The following RYR2 variants were observed in gnomAD, a reference collection of about 807,000 sequenced individuals.
RYR2 encodes the protein cardiac muscle ryanodine receptor-calcium release channel.
RYR2 carries 227 observed loss-of-function variants against 601.1 expected under a neutral mutation model. That is an observed-to-expected ratio of 0.38 (90% confidence interval 0.34 to 0.42). The LOEUF (loss-of-function observed/expected upper bound fraction) is 0.42, where lower values mean the gene tolerates loss of function less well. Ranked by LOEUF, RYR2 falls within the 10% of genes least tolerant of loss-of-function variation. The pLI is 1.00. For missense variants in RYR2, 4,646 were observed against 6,156.5 expected, an observed-to-expected ratio of 0.75 and a Z score of 8.21; for synonymous variants, 2,223 against 2,175.1, an observed-to-expected ratio of 1.02 and a Z score of -0.61.
chr1:237,796,277 G>A (rs2149398172), intron 96 of RYR2, among the ~76,000 whole-genome samples: 1 of 152,150 alleles, frequency 6.6e-6, no homozygotes, highest in Middle Eastern at 3.4e-3. Context: ...TAAAGCAAGA[G>A]TTTCTTGCTT....
chr1:237,304,082 C>T (rs1208110179), intron 2 of RYR2, among the ~76,000 whole-genome samples: 2 of 152,132 alleles, frequency 1.3e-5, no homozygotes, highest in African/African-American at 4.8e-5. Flanking sequence ...ATGGGCCCAG[C>T]TTTGCAATAG....
chr1:237,411,622 G>A (rs992210594), intron 10 of RYR2, among the ~76,000 whole-genome samples: 1 of 152,086 alleles, frequency 6.6e-6, no homozygotes, highest in African/African-American at 2.4e-5. Flanking sequence ...TTTCCAAGTG[G>A]TCTACGTGGG....
intron 1 of RYR2, among the ~76,000 whole-genome samples, chr1:237,181,450 A>T (rs1279174617): frequency 6.6e-6 from 1 of 152,304 alleles, no homozygotes; most frequent in Non-Finnish European, 1.5e-5. Flanking sequence ...GGAGCTCAAG[A>T]GAGGCTCTTT....
intron 25 of RYR2, 42 bp downstream of exon 25, chr1:237,530,552 G>GATT: frequency 7.2e-7 from 1 of 1,392,496 alleles, no homozygotes; most frequent in Non-Finnish European, 1.0e-6. Flanking sequence ...TCTGTGTAGA[G>GATT]ATTTAGTGCA....
chr1:237,058,417 G>A (rs948537929), intron 1 of RYR2, among the ~76,000 whole-genome samples: 5 of 151,832 alleles, frequency 3.3e-5, no homozygotes, highest in African/African-American at 1.2e-4. Flanking sequence ...CATATAATTT[G>A]TTGCTTGCAA....
intron 15 of RYR2, 139 bp downstream of exon 15, chr1:237,454,713 A>G: frequency 1.4e-6 from 1 of 707,712 alleles, no homozygotes; most frequent in South Asian, 1.9e-5. Context: ...GAACAGGAGA[A>G]ACAGGCCTTA....
rs1198252199 is a variant in RYR2, at chr1:237,119,436, G to GTGTGTGCGTA, written c.48+76870_48+76879dup. Among the ~76,000 whole-genome samples the GTGTGTGCGTA allele has an allele frequency of 4.6e-5, 7 of 152,340 alleles. No individual in the cohort carries two copies. The South Asian group carries it at 8.3e-4, about 18-fold the overall frequency. On this transcript the variant is annotated intron_variant, in intron 1 of 104. Coordinates refer to ENST00000366574, the MANE Select transcript of RYR2 (RefSeq NM_001035.3). ...TGTGTGTGTGTGCATGTGTGTGCGT[G>GTGTGTGCGTA]TGTGTGCGTATGCTCTCATCTTGGT...
intron 10 of RYR2, among the ~76,000 whole-genome samples, chr1:237,394,169 T>C (rs1318963877): frequency 2.6e-5 from 4 of 152,170 alleles, no homozygotes; most frequent in Non-Finnish European, 5.9e-5. Flanking sequence ...AAGAGAAGCA[T>C]CTTCTTTTGT....
chr1:237,558,176 A>G (rs938852934), intron 27 of RYR2, among the ~76,000 whole-genome samples: 4 of 152,158 alleles, frequency 2.6e-5, no homozygotes, highest in Non-Finnish European at 4.4e-5. Flanking sequence ...TATTCCCCTA[A>G]GGTTAGTAGG....
At position 237,502,610 on chromosome 1, in the gene RYR2, G is replaced by A. The variant is rs571715980; in HGVS notation, c.2397-679G>A. ...ACAGACACAGTTCACAATAGGGTTC[G>A]CACTCCTATGAAAATCTAAGGCCAC... is the stretch of plus-strand genomic sequence containing the variant. On this transcript the variant is annotated intron_variant, in intron 21 of 104. Coordinates refer to ENST00000366574, the MANE Select transcript of RYR2 (RefSeq NM_001035.3). Among the ~76,000 whole-genome samples, 96 of 152,182 alleles carry A rather than the reference G, an allele frequency of 6.3e-4. 1 individual carries two copies. The highest frequency in any genetic ancestry group is 2.0e-3 in the African/African-American group (84 of 41,530).
chr1:237,147,432 A>T (rs184794525), intron 1 of RYR2, among the ~76,000 whole-genome samples: 2 of 152,288 alleles, frequency 1.3e-5, no homozygotes, highest in East Asian at 1.9e-4. Flanking sequence ...CACACAAATT[A>T]TCTGTTGCTT....
intron 25 of RYR2, among the ~76,000 whole-genome samples, chr1:237,531,414 T>G (rs907433870): frequency 2.6e-5 from 4 of 152,332 alleles, no homozygotes; most frequent in African/African-American, 9.6e-5. Flanking sequence ...AGCTGTTTCA[T>G]ATTACTTTCT....
At position 237,589,914 on chromosome 1, in the gene RYR2, C is replaced by T. The variant is rs750335699; in HGVS notation, c.3720C>T (p.Ala1240=). The T allele has an allele frequency of 1.2e-4, 198 of 1,613,708 alleles. No individual in the cohort carries two copies. The highest frequency in any genetic ancestry group is 8.1e-5 in the Non-Finnish European group (95 of 1,179,856). Residue 1240 remains alanine, a synonymous_variant, in exon 30 of 105, where the codon GCC becomes GCT. Transcript: ENST00000366574. ...CGLQEGYEPF[A]VNTNRDITMW... ...TACAAGAGGGCTATGAACCATTTGC[C>T]GTTAATACAAACAGGGATATTACCA...
chr1:237,122,543 G>A (rs1468580947), intron 1 of RYR2, among the ~76,000 whole-genome samples: 4 of 152,160 alleles, frequency 2.6e-5, no homozygotes, highest in African/African-American at 4.8e-5. Context: ...TCAGCCAGGC[G>A]TGGTGGCCTA....
chr1:237,684,770 C>CATAT (rs796412616), intron 62 of RYR2, among the ~76,000 whole-genome samples: 5,806 of 35,876 alleles, frequency 0.16, 150 homozygotes, highest in East Asian at 0.25. Flanking sequence ...ATTATCTGAA[C>CATAT]ACATATATAT....
At chr1:237,239,968 CCT>C (rs1230763800) in intron 1 of RYR2, among the ~76,000 whole-genome samples, 1 of 152,076 alleles carries the variant, frequency 6.6e-6, no homozygotes, top group Admixed American at 6.6e-5. Context: ...AATATCTTTC[CCT>C]CTCTCTCTTT....
chr1:237,708,067 C>G (rs559724604), intron 68 of RYR2, among the ~76,000 whole-genome samples: 117 of 151,866 alleles, frequency 7.7e-4, no homozygotes, highest in African/African-American at 2.8e-3. Flanking sequence ...CAGGTGTGAG[C>G]CACCACGTCT....
At chr1:237,493,218 GT>G in intron 19 of RYR2, 131 bp downstream of exon 19, 2 of 1,006,840 alleles carry the variant, frequency 2.0e-6, no homozygotes, top group South Asian at 3.3e-5. Context: ...TATTTTTGCA[GT>G]GAATAATATG....
At chr1:237,487,918 A>G (rs1242782498) in intron 17 of RYR2, among the ~76,000 whole-genome samples, 2 of 152,036 alleles carry the variant, frequency 1.3e-5, no homozygotes, top group Non-Finnish European at 2.9e-5. Context: ...ATCTGACCTG[A>G]TAGAATTGAA....
Sources: allele counts gnomAD v4.1 joint callset (sites outside exome capture counted in the v4.1 genomes callset), GRCh38; gene constraint gnomAD v4.1.1; transcripts MANE v1.5; gene names NCBI Gene and HGNC (gene_info 2026-07-23, HGNC 2026-07-21).